The following POC1B variants were observed in gnomAD, a reference collection of about 807,000 sequenced individuals.
POC1B encodes POC1 centriolar protein homolog B.
A neutral mutation model predicts 60.6 loss-of-function variants in POC1B; 44 were observed. The ratio of observed to expected loss-of-function variants is 0.73; its 90% CI spans 0.57 to 0.93. The LOEUF is 0.93. Among genes scored for constraint, POC1B ranks in the 40% least tolerant of loss-of-function variants. The pLI, the probability that POC1B is intolerant of heterozygous loss-of-function variation, is 0.00. For synonymous variants in POC1B, 180 were observed against 198.9 expected (o/e 0.90, Z 0.80); for missense variants, 555 against 572.3 (o/e 0.97, Z 0.31).
At chr12:89,448,058 G>A (rs1006921961) in intron 10 of POC1B, among the ~76,000 whole-genome samples, 1 of 152,060 alleles carries the variant, frequency 6.6e-6, no homozygotes, top group African/African-American at 2.4e-5. Context: ...TTTGTATCAC[G>A]GACTTGGGCT....
At chr12:89,452,779 TTATC>T (rs1299520268) in intron 10 of POC1B, among the ~76,000 whole-genome samples, 3 of 152,172 alleles carry the variant, frequency 2.0e-5, no homozygotes, top group African/African-American at 7.2e-5. Flanking sequence ...GCTATACAGA[TTATC>T]TATCTTGAAA....
the POC1B span, among the ~76,000 whole-genome samples, chr12:89,409,764 G>A: frequency 2.0e-5 from 3 of 152,042 alleles, no homozygotes; most frequent in Non-Finnish European, 4.4e-5. Flanking sequence ...TGAAGAAGTC[G>A]AATACCTGAA....
chr12:89,459,129 A>G (rs1882372413), intron 10 of POC1B, among the ~76,000 whole-genome samples: 1 of 152,148 alleles, frequency 6.6e-6, no homozygotes, highest in Admixed American at 6.6e-5. Context: ...TCTGCTCTGC[A>G]ACAGCATGTG....
intron 4 of POC1B, among the ~76,000 whole-genome samples, chr12:89,476,427 G>C (rs1268048466): frequency 1.3e-5 from 2 of 152,178 alleles, no homozygotes; most frequent in Non-Finnish European, 2.9e-5. Flanking sequence ...GCTTTCATAA[G>C]GCCACGTGTG....
At chr12:89,416,494 C>G (rs1399105461), downstream of POC1B, among the ~76,000 whole-genome samples, 5 of 152,088 alleles carry the variant, frequency 3.3e-5, no homozygotes, top group African/African-American at 1.2e-4. Context: ...AAAATAACCT[C>G]GAAAAGGTAA....
At chr12:89,446,298 T>C (rs1251478867) in intron 10 of POC1B, among the ~76,000 whole-genome samples, 2 of 152,228 alleles carry the variant, frequency 1.3e-5, no homozygotes, top group Non-Finnish European at 2.9e-5. Context: ...TAAAGACACA[T>C]GCACACATAT....
At position 89,497,354 on chromosome 12, in the gene POC1B, TAGA is replaced by T. The variant is rs1244643371; in HGVS notation, c.101-15_101-13del. ...CCAAGAAGCAGTAGCTATCAAGAAA[TAGA>T]AGAACAAAACCACTGTTTGTTAAAA... On this transcript the variant is annotated splice_polypyrimidine_tract_variant and intron_variant, in intron 2 of 11. Transcript: ENST00000313546. 8 of 1,607,044 alleles carry T rather than the reference TAGA, an allele frequency of 5.0e-6. No homozygotes were observed. Among genetic ancestry groups the T allele is most frequent in the Non-Finnish European group, 6.0e-6 (7 of 1,176,320 alleles).
At chr12:89,491,652 G>C (rs948558370) in intron 4 of POC1B, among the ~76,000 whole-genome samples, 4 of 141,040 alleles carry the variant, frequency 2.8e-5, no homozygotes, top group African/African-American at 1.0e-4. Context: ...AAAAAAAAAA[G>C]AAAAAAAAAT....
intron 3 of POC1B, among the ~76,000 whole-genome samples, chr12:89,494,319 G>A (rs1296535688): frequency 6.6e-6 from 1 of 152,122 alleles, no homozygotes; most frequent in African/African-American, 2.4e-5. Context: ...CCAAAGTGCT[G>A]GAATTACAGG....
At chr12:89,522,834 T>C (rs754505884) in intron 2 of POC1B, 4 of 1,585,932 alleles carry the variant, frequency 2.5e-6, no homozygotes, top group South Asian at 1.2e-5. Flanking sequence ...AACTCCAAAT[T>C]TGATTTTTAT....
rs12306591 is a variant in POC1B at position 89,436,671 on chromosome 12, T to C, written c.1114-11292A>G. ...GGAGGTTGCAGTGAGCCGAGATCGCTATACTGTATTCCAGCTTGGGCGATG... is the reference window on the plus strand; with the variant it reads ...GGAGGTTGCAGTGAGCCGAGATCGCCATACTGTATTCCAGCTTGGGCGATG... On this transcript the variant is annotated intron_variant, in intron 10 of 11. Transcript: ENST00000313546. Among the ~76,000 whole-genome samples the C allele has an allele frequency of 6.9e-3, 1,044 of 151,574 alleles. 11 individuals carry two copies. Among genetic ancestry groups the C allele is most frequent in the African/African-American group, 0.023 (963 of 41,290 alleles).
intron 2 of POC1B, among the ~76,000 whole-genome samples, chr12:89,503,190 A>G (rs1400951021): frequency 6.6e-6 from 1 of 151,682 alleles, no homozygotes; most frequent in Non-Finnish European, 1.5e-5. Context: ...TACTGCTGCC[A>G]TCTCGGCTCA....
intron 10 of POC1B, among the ~76,000 whole-genome samples, chr12:89,435,409 G>C (rs756211963): frequency 6.6e-6 from 1 of 152,092 alleles, no homozygotes; most frequent in Non-Finnish European, 1.5e-5. Flanking sequence ...TCAAACTCCT[G>C]ACCTAAGGTG....
intron 4 of POC1B, among the ~76,000 whole-genome samples, chr12:89,477,913 C>T (rs1883180505): frequency 6.6e-6 from 1 of 152,094 alleles, no homozygotes; most frequent in African/African-American, 2.4e-5. Flanking sequence ...CCCTGTGCCT[C>T]AAACACTGCC....
intron 10 of POC1B, among the ~76,000 whole-genome samples, chr12:89,457,462 G>A (rs541174169): frequency 6.6e-6 from 1 of 152,320 alleles, no homozygotes; most frequent in East Asian, 1.9e-4. Flanking sequence ...GAGAATCTAT[G>A]TCTTCAGAAT....
At chr12:89,425,816 G>A (rs1880740270) in intron 10 of POC1B, 2 of 153,510 alleles carry the variant, frequency 1.3e-5, no homozygotes, top group Admixed American at 1.3e-4. Flanking sequence ...TGGTTCAGCT[G>A]CTTTGGAAAA....
Position 89,523,761 on chromosome 12 carries a change from A to G in POC1B, c.100+1359T>C, listed in dbSNP as rs1377459520. ...CCCCTATCTGCATATAGAATTCAAA[A>G]GTATTCCAATCAATTGTGTCTATAA... On this transcript the variant is annotated intron_variant, in intron 2 of 11. Transcript: ENST00000313546. The G allele has an allele frequency of 1.9e-6, 3 of 1,540,816 alleles. No homozygotes were observed. The East Asian group carries it at 6.7e-5, about 35-fold the overall frequency.
chr12:89,496,965 C>A, intron 3 of POC1B: 2 of 558,100 alleles, frequency 3.6e-6, no homozygotes, highest in South Asian at 2.6e-5. Flanking sequence ...AGCATATTTC[C>A]ATGGTAGGAA....
At chr12:89,490,862 C>CT (rs1868928954) in intron 4 of POC1B, among the ~76,000 whole-genome samples, 1 of 152,168 alleles carries the variant, frequency 6.6e-6, no homozygotes, top group African/African-American at 2.4e-5. Context: ...TAACTTCCAA[C>CT]TTTATCTAAA....
Sources: allele counts gnomAD v4.1 joint callset (sites outside exome capture counted in the v4.1 genomes callset), GRCh38; gene constraint gnomAD v4.1.1; transcripts MANE v1.5; gene names NCBI Gene and HGNC (gene_info 2026-07-23, HGNC 2026-07-21).